ZFAND3: variants seen among roughly 807,000 people sequenced by gnomAD.
ZFAND3 encodes zinc finger AN1-type containing 3.
ZFAND3 carries 10 observed loss-of-function variants against 29.6 expected under a neutral mutation model. The ratio of observed to expected loss-of-function variants is 0.34; its 90% CI spans 0.21 to 0.57. The LOEUF is 0.57. ZFAND3 is among the 20% of genes least tolerant of loss of function. The pLI is 0.86. For synonymous variants in ZFAND3, 128 were observed against 112.6 expected (o/e 1.14, Z -0.87); for missense variants, 230 against 304.5 (o/e 0.76, Z 1.82).
chr6:37,821,391 C>T (rs1763664216), intron 1 of ZFAND3, among the ~76,000 whole-genome samples: 1 of 152,206 alleles, frequency 6.6e-6, no homozygotes, highest in South Asian at 2.1e-4. Flanking sequence ...CTAGTCTTCC[C>T]TTCATTTTGA....
chr6:38,094,206 A>T (rs964899553), intron 4 of ZFAND3, among the ~76,000 whole-genome samples: 1 of 152,168 alleles, frequency 6.6e-6, no homozygotes, highest in African/African-American at 2.4e-5. Context: ...GGAAGGAACT[A>T]TTGTGGACTG....
chr6:38,010,897 G>A (rs1002140700), intron 2 of ZFAND3, among the ~76,000 whole-genome samples: 5 of 147,546 alleles, frequency 3.4e-5, no homozygotes, highest in African/African-American at 7.5e-5. Flanking sequence ...CACTGCGCCC[G>A]GCCCAACTTT....
At chr6:37,942,811 G>A (rs867698310) in intron 2 of ZFAND3, among the ~76,000 whole-genome samples, 1 of 152,100 alleles carries the variant, frequency 6.6e-6, no homozygotes, top group Non-Finnish European at 1.5e-5. Context: ...TATTGTATTT[G>A]CATCTACCCT....
At chr6:38,099,125 C>T (rs1765042199) in intron 4 of ZFAND3, among the ~76,000 whole-genome samples, 1 of 152,124 alleles carries the variant, frequency 6.6e-6, no homozygotes, top group Non-Finnish European at 1.5e-5. Context: ...GGGCACATCA[C>T]AATTTAGGGG....
chr6:37,998,032 A>C lies in ZFAND3; in HGVS notation c.113-63561A>C, dbSNP rs533454614. Among the ~76,000 whole-genome samples the C allele has an allele frequency of 3.9e-5, 6 of 152,336 alleles. No individual in the cohort carries two copies. In the South Asian group the frequency reaches 1.0e-3, roughly 26 times the overall value. On this transcript the variant is annotated intron_variant, in intron 2 of 5. Transcript: ENST00000287218. ...CCTGCATATGAATGTTTATCATGGCAGCTATATTATGATCTCCAGAAAATG... is the reference window on the plus strand; with the variant it reads ...CCTGCATATGAATGTTTATCATGGCCGCTATATTATGATCTCCAGAAAATG...
chr6:38,012,070 C>T (rs1050135543), intron 2 of ZFAND3, among the ~76,000 whole-genome samples: 5 of 152,002 alleles, frequency 3.3e-5, no homozygotes, highest in South Asian at 4.2e-4. Flanking sequence ...GCACACACTG[C>T]GTCAGTTATG....
chr6:37,899,678 G>A (rs570798706), intron 1 of ZFAND3, among the ~76,000 whole-genome samples: 1 of 152,264 alleles, frequency 6.6e-6, no homozygotes, highest in Non-Finnish European at 1.5e-5. Flanking sequence ...TATTATCTTT[G>A]CATATTTCAA....
intron 3 of ZFAND3, among the ~76,000 whole-genome samples, chr6:38,072,009 A>G (rs950978917): frequency 5.3e-5 from 8 of 152,198 alleles, no homozygotes; most frequent in African/African-American, 1.9e-4. Flanking sequence ...TTTCTGTACC[A>G]TACAGTAACC....
rs896100901 is a variant in ZFAND3 at position 38,152,961 on chromosome 6, G to T, written c.*572G>T. On this transcript the variant is annotated 3_prime_UTR_variant, in exon 6 of 6. Transcript: ENST00000287218. Reference sequence around the variant, plus strand: ...TCCCACAGAGCTGGAAATGGGGGGTGGGGGACAGATTCTTACGGAAATTTT... The same window carrying T: ...TCCCACAGAGCTGGAAATGGGGGGTTGGGGACAGATTCTTACGGAAATTTT... 4.7e-5 allele frequency: 46 copies of T among 985,778 alleles called. No individual in the cohort carries two copies. The highest frequency in any genetic ancestry group is 6.1e-5 in the Admixed American group (1 of 16,270). The allele number at this position is 985,778 out of a possible 1,614,324, so 61.1% of individuals were successfully genotyped here. A position where few individuals can be genotyped will look rare whatever the true frequency, so the allele number is the denominator to read the frequency against.
At chr6:37,963,760 C>G (rs34634043) in intron 2 of ZFAND3, among the ~76,000 whole-genome samples, 12,607 of 152,132 alleles carry the variant, frequency 0.083, 633 homozygotes, top group African/African-American at 0.15. Context: ...TGTTTTTCCT[C>G]TCAATCTAGA....
intron 1 of ZFAND3, among the ~76,000 whole-genome samples, chr6:37,865,091 T>C (rs949428511): frequency 6.6e-6 from 1 of 152,274 alleles, no homozygotes; most frequent in South Asian, 2.1e-4. Flanking sequence ...GGCACGAGAA[T>C]TGCTTGAACC....
intron 4 of ZFAND3, among the ~76,000 whole-genome samples, chr6:38,099,543 A>G (rs1393385081): frequency 1.3e-5 from 2 of 152,198 alleles, no homozygotes; most frequent in African/African-American, 4.8e-5. Flanking sequence ...CTACACCTCC[A>G]TTAGCTCAAT....
At chr6:37,862,690 C>T (rs967478611) in intron 1 of ZFAND3, among the ~76,000 whole-genome samples, 6 of 150,880 alleles carry the variant, frequency 4.0e-5, no homozygotes, top group African/African-American at 1.2e-4. Context: ...GGTGACAGAG[C>T]GAGATCCTGT....
chr6:37,926,083 G>A (rs570352849), intron 1 of ZFAND3, among the ~76,000 whole-genome samples: 2 of 152,314 alleles, frequency 1.3e-5, no homozygotes, highest in East Asian at 3.9e-4. Flanking sequence ...CTAAATGGGA[G>A]CAGTTGTGGT....
At position 37,843,190 on chromosome 6, in the gene ZFAND3, C is replaced by CT. The variant is rs537017879; in HGVS notation, c.71+23177dup. On this transcript the variant is annotated intron_variant, in intron 1 of 5. Coordinates refer to ENST00000287218, the MANE Select transcript of ZFAND3 (RefSeq NM_021943.3). ...CTTGACTATTCAGGTGATTTTGTTTCTTTAAGTGTTCCTGGCTGAGTGTGG... is the reference window on the plus strand; with the variant it reads ...CTTGACTATTCAGGTGATTTTGTTTCTTTTAAGTGTTCCTGGCTGAGTGTGG... 2.0e-5 allele frequency among the ~76,000 whole-genome samples: 3 copies of CT among 149,712 alleles called. No homozygotes were observed. The South Asian group carries it at 6.3e-4, about 32-fold the overall frequency.
At chr6:38,044,880 G>A (rs1326280518) in intron 2 of ZFAND3, among the ~76,000 whole-genome samples, 1 of 152,026 alleles carries the variant, frequency 6.6e-6, no homozygotes, top group East Asian at 1.9e-4. Context: ...AGTATAAAGT[G>A]TTAAGGAAAT....
chr6:38,080,908 G>C (rs1469667923), intron 3 of ZFAND3, among the ~76,000 whole-genome samples: 1 of 152,182 alleles, frequency 6.6e-6, no homozygotes, highest in African/African-American at 2.4e-5. Context: ...TCTGGTGAAT[G>C]TGGCATTTGT....
chr6:37,947,791 C>G (rs1454415555), intron 2 of ZFAND3, among the ~76,000 whole-genome samples: 1 of 152,094 alleles, frequency 6.6e-6, no homozygotes, highest in African/African-American at 2.4e-5. Context: ...CCACCCTCTC[C>G]TATTCCCCCC....
intron 2 of ZFAND3, among the ~76,000 whole-genome samples, chr6:37,964,533 G>A (rs1314617017): frequency 6.6e-6 from 1 of 152,178 alleles, no homozygotes; most frequent in African/African-American, 2.4e-5. Flanking sequence ...GAGACAGCCA[G>A]CCATCTTTGA....
Sources: allele counts gnomAD v4.1 joint callset (sites outside exome capture counted in the v4.1 genomes callset), GRCh38; gene constraint gnomAD v4.1.1; transcripts MANE v1.5; gene names NCBI Gene and HGNC (gene_info 2026-07-23, HGNC 2026-07-21).